The following WWOX variants were observed in gnomAD, a reference collection of about 807,000 sequenced individuals.
WWOX encodes the protein WW domain containing oxidoreductase.
In WWOX, 69 loss-of-function variants were observed where a neutral mutation model predicts 46.2. The ratio of observed to expected loss-of-function variants is 1.49; its 90% confidence interval spans 1.23 to 1.82. The LOEUF (loss-of-function observed/expected upper bound fraction) is 1.82, where lower values mean the gene tolerates loss of function less well. Among genes scored for constraint, WWOX ranks in the 40% most tolerant of loss-of-function variants. The pLI is 0.00. For synonymous variants in WWOX, 359 were observed against 202.6 expected (o/e 1.77, Z -6.56); for missense variants, 919 against 542.6 (o/e 1.69, Z -6.89).
intron 8 of WWOX, among the ~76,000 whole-genome samples, chr16:78,753,526 G>A (rs903167655): frequency 2.0e-5 from 3 of 151,672 alleles, no homozygotes; most frequent in Non-Finnish European, 4.4e-5. Context: ...TTGCCCAGGT[G>A]CAGTGGCTCA....
chr16:78,774,533 C>CGTGTGTGTGT (rs1440248411), intron 8 of WWOX, among the ~76,000 whole-genome samples: 9 of 119,376 alleles, frequency 7.5e-5, no homozygotes, highest in African/African-American at 3.1e-4. Flanking sequence ...TGTGTGTGTG[C>CGTGTGTGTGT]GCGTGCGCAC....
At chr16:78,802,883 T>C (rs1251225058) in intron 8 of WWOX, among the ~76,000 whole-genome samples, 1 of 120,746 alleles carries the variant, frequency 8.3e-6, no homozygotes, top group East Asian at 2.7e-4. Context: ...GCCATTGCAC[T>C]CCAGCCTGGG....
At chr16:79,204,830 C>T (rs530984582) in intron 8 of WWOX, 2 of 152,286 alleles carry the variant, frequency 1.3e-5, no homozygotes, top group Admixed American at 6.5e-5. Context: ...TCCAGCTTTC[C>T]ATCCTGAACC....
At chr16:78,849,947 C>CT (rs1597718597) in intron 8 of WWOX, among the ~76,000 whole-genome samples, 1 of 152,104 alleles carries the variant, frequency 6.6e-6, no homozygotes, top group Non-Finnish European at 1.5e-5. Flanking sequence ...TGGCACAGGC[C>CT]TGTAATCCCA....
At chr16:78,117,729 G>A (rs1459428676) in intron 4 of WWOX, among the ~76,000 whole-genome samples, 2 of 152,114 alleles carry the variant, frequency 1.3e-5, no homozygotes, top group Non-Finnish European at 2.9e-5. Context: ...GCTGAATGCC[G>A]AGTGAGTGAA....
At chr16:78,309,392 C>G (rs2080195079) in intron 5 of WWOX, among the ~76,000 whole-genome samples, 2 of 152,114 alleles carry the variant, frequency 1.3e-5, no homozygotes, top group Admixed American at 6.6e-5. Flanking sequence ...AAACATCTTG[C>G]CTTTATAAAT....
At chr16:78,612,307 A>G (rs2738555) in intron 8 of WWOX, among the ~76,000 whole-genome samples, 75,077 of 151,996 alleles carry the variant, frequency 0.49, 18,935 homozygotes, top group Middle Eastern at 0.59. Flanking sequence ...TAAAGGAGGT[A>G]AAACTTGAAG....
Position 78,322,616 on chromosome 16 carries a change from C to G in WWOX, c.517-64244C>G, listed in dbSNP as rs1344287362. ...AAACCCAGGTAGACCTGAATTAAATCTTCTGAAGCAACTCTTCATCACCAG... is the reference window on the plus strand; with the variant it reads ...AAACCCAGGTAGACCTGAATTAAATGTTCTGAAGCAACTCTTCATCACCAG... On this transcript the variant is annotated intron_variant, in intron 5 of 8. Coordinates refer to ENST00000566780, the MANE Select transcript of WWOX (RefSeq NM_016373.4). 3.3e-5 allele frequency among the ~76,000 whole-genome samples: 5 copies of G among 152,216 alleles called. No homozygotes were observed. In the East Asian group the frequency reaches 9.6e-4, roughly 29 times the overall value.
At chr16:78,429,347 A>G (rs2083162979) in intron 7 of WWOX, among the ~76,000 whole-genome samples, 1 of 152,314 alleles carries the variant, frequency 6.6e-6, no homozygotes, top group Admixed American at 6.5e-5. Flanking sequence ...CTTAATGTCC[A>G]TGGAGGCATG....
At chr16:78,884,213 C>T (rs981271678) in intron 8 of WWOX, among the ~76,000 whole-genome samples, 5 of 134,848 alleles carry the variant, frequency 3.7e-5, no homozygotes, top group African/African-American at 1.4e-4. Context: ...GTCAAGGCTA[C>T]AGTGAGCTGT....
rs763424689 is a variant in WWOX, at chr16:78,384,899, G to A, written c.517-1961G>A. Among the ~76,000 whole-genome samples, 12 of 152,188 alleles carry A rather than the reference G, an allele frequency of 7.9e-5. 1 individual carries two copies. Among genetic ancestry groups the A allele is most frequent in the Admixed American group, 6.5e-4 (10 of 15,296 alleles). On this transcript the variant is annotated intron_variant, in intron 5 of 8. Coordinates refer to ENST00000566780, the MANE Select transcript of WWOX (RefSeq NM_016373.4). The stretch of plus-strand genomic sequence containing the variant: ...GCCTGTAATCCTAGCACTTTCGGAG[G>A]CCGGGGTGGGTGGATCACAAGGTCA...
intron 8 of WWOX, among the ~76,000 whole-genome samples, chr16:78,727,804 G>T (rs975015132): frequency 2.0e-5 from 3 of 151,984 alleles, no homozygotes; most frequent in Non-Finnish European, 4.4e-5. Flanking sequence ...ATGGTAGAGT[G>T]TGTCCTACCT....
intron 8 of WWOX, among the ~76,000 whole-genome samples, chr16:78,996,946 C>T (rs779604200): frequency 2.0e-5 from 3 of 152,232 alleles, no homozygotes; most frequent in Non-Finnish European, 4.4e-5. Context: ...CATCCTCTCC[C>T]GCGCCTGGGA....
intron 5 of WWOX, among the ~76,000 whole-genome samples, chr16:78,374,643 G>A (rs780911205): frequency 3.4e-5 from 5 of 145,978 alleles, no homozygotes; most frequent in East Asian, 4.1e-4. Context: ...CCGCCTCCTC[G>A]GTTCATGCCA....
chr16:78,317,013 T>C (rs2151880315), intron 5 of WWOX, among the ~76,000 whole-genome samples: 2 of 152,336 alleles, frequency 1.3e-5, no homozygotes, highest in South Asian at 4.1e-4. Flanking sequence ...AGTTGCTTTT[T>C]GGAAGGATAT....
chr16:78,555,460 TG>T (rs1239365768), intron 8 of WWOX, among the ~76,000 whole-genome samples: 1 of 152,166 alleles, frequency 6.6e-6, no homozygotes, highest in Non-Finnish European at 1.5e-5. Flanking sequence ...TTATTCTCTT[TG>T]CACCTCAGTG....
chr16:78,434,778 A>G (rs2083299137), intron 8 of WWOX, among the ~76,000 whole-genome samples: 1 of 152,166 alleles, frequency 6.6e-6, no homozygotes, highest in South Asian at 2.1e-4. Context: ...GAGGGGTGAT[A>G]TAACCATCCT....
chr16:78,515,210 C>T (rs1381441847), intron 8 of WWOX, among the ~76,000 whole-genome samples: 5 of 152,234 alleles, frequency 3.3e-5, no homozygotes, highest in South Asian at 4.2e-4. Flanking sequence ...GGCGACAGAG[C>T]GAGACCCTGT....
intron 8 of WWOX, among the ~76,000 whole-genome samples, chr16:78,940,936 C>G (rs2045839912): frequency 6.6e-6 from 1 of 152,012 alleles, no homozygotes; most frequent in African/African-American, 2.4e-5. Context: ...AAGGAATTTT[C>G]TTCTGCCCCC....
Sources: gnomAD v4.1 joint callset for allele counts (sites outside exome capture counted in the v4.1 genomes callset) on GRCh38, gnomAD v4.1.1 for gene constraint, MANE v1.5 for transcripts, NCBI Gene and HGNC (gene_info 2026-07-23, HGNC 2026-07-21) for gene names.